The following SEL1L3 variants were observed in gnomAD, a reference collection of about 807,000 sequenced individuals.
SEL1L3 encodes the protein protein sel-1 homolog 3.
Under a neutral mutation model 142.8 loss-of-function variants are expected in SEL1L3, and 76 were observed. The ratio of observed to expected loss-of-function variants is 0.53; its 90% confidence interval spans 0.44 to 0.64. The LOEUF (loss-of-function observed/expected upper bound fraction) is 0.64, where lower values mean the gene tolerates loss of function less well. SEL1L3 is among the 30% of genes least tolerant of loss of function. SEL1L3 has a pLI of 0.00. For synonymous variants in SEL1L3, 504 were observed against 519.6 expected (o/e 0.97, Z 0.41); for missense variants, 1,262 against 1,381.7 (o/e 0.91, Z 1.37).
At chr4:25,756,241 G>C in intron 23 of SEL1L3, 5 of 985,284 alleles carry the variant, frequency 5.1e-6, no homozygotes, top group Non-Finnish European at 6.0e-6. Context: ...GTAGCCGTCC[G>C]AGATGGTAAA....
chr4:25,760,505 T>TCC (rs1718303754), intron 20 of SEL1L3, among the ~76,000 whole-genome samples: 1 of 152,180 alleles, frequency 6.6e-6, no homozygotes, highest in Non-Finnish European at 1.5e-5. Flanking sequence ...TAATTTATAC[T>TCC]CCCACCAACA....
In SEL1L3 at chr4:25,862,971, C is replaced by CCCG. The variant is rs1227690101; in HGVS notation, c.-138_-136dup. 3 of 497,426 alleles carry CCCG rather than the reference C, an allele frequency of 6.0e-6. No homozygotes were observed. Among genetic ancestry groups the CCCG allele is most frequent in the Non-Finnish European group, 5.2e-6 (2 of 387,732 alleles). 30.8% of individuals were successfully genotyped at this position (497,426 alleles called of 1,614,324 possible). A position where few individuals can be genotyped will look rare whatever the true frequency, so the allele number is the denominator to read the frequency against. ...GGGGCCACCTGCCGCCACCTCCGGA[C>CCCG]CCGCCGCCGCCGCCACTGCCGCTCC... is the stretch of plus-strand genomic sequence containing the variant. On this transcript the variant is annotated 5_prime_UTR_variant, in exon 1 of 24. Coordinates refer to ENST00000399878, the MANE Select transcript of SEL1L3 (RefSeq NM_015187.5).
chr4:25,833,210 C>A, intron 4 of SEL1L3, 100 bp from the exon 5 acceptor site: 1 of 777,920 alleles, frequency 1.3e-6, no homozygotes, highest in Non-Finnish European at 2.2e-6. Flanking sequence ...AGCTACAATA[C>A]TCCACGAAAA....
intron 17 of SEL1L3, among the ~76,000 whole-genome samples, chr4:25,771,805 C>T (rs1233007269): frequency 2.0e-5 from 3 of 152,182 alleles, no homozygotes; most frequent in Non-Finnish European, 4.4e-5. Flanking sequence ...AGAAATGAAA[C>T]ATGACAGCTG....
At chr4:25,844,720 G>A (rs1333276708) in intron 2 of SEL1L3, among the ~76,000 whole-genome samples, 1 of 152,214 alleles carries the variant, frequency 6.6e-6, no homozygotes, top group Non-Finnish European at 1.5e-5. Context: ...CAAAGTCGGA[G>A]GTACAGCAAA....
At chr4:25,852,559 C>T (rs931285297) in intron 1 of SEL1L3, among the ~76,000 whole-genome samples, 6 of 152,204 alleles carry the variant, frequency 3.9e-5, no homozygotes, top group Non-Finnish European at 7.3e-5. Flanking sequence ...TGGCGGAAGC[C>T]GAACCAGCCA....
intron 20 of SEL1L3, among the ~76,000 whole-genome samples, chr4:25,760,473 C>T (rs1384675290): frequency 2.0e-5 from 3 of 152,174 alleles, no homozygotes. Flanking sequence ...AATTGCTACA[C>T]TGCTTTCCAC....
chr4:25,738,193 A>AT, the SEL1L3 span, among the ~76,000 whole-genome samples: 3 of 151,938 alleles, frequency 2.0e-5, no homozygotes, highest in Admixed American at 6.6e-5. Flanking sequence ...CCAGCTTGCA[A>AT]TTTTTTTTAA....
intron 17 of SEL1L3, among the ~76,000 whole-genome samples, chr4:25,770,707 T>G (rs1449309645): frequency 3.2e-5 from 4 of 126,254 alleles, no homozygotes; most frequent in Non-Finnish European, 6.2e-5. Flanking sequence ...ACCACTGTAC[T>G]CCAGCCTGGG....
intron 21 of SEL1L3, 138 bp from the exon 22 acceptor site, chr4:25,757,928 A>C: frequency 1.5e-6 from 1 of 648,358 alleles, no homozygotes; most frequent in South Asian, 1.9e-5. Context: ...AAGATGAGAG[A>C]CAAAGAAATA....
intron 1 of SEL1L3, among the ~76,000 whole-genome samples, chr4:25,852,657 A>G (rs1012468783): frequency 8.5e-5 from 13 of 152,226 alleles, no homozygotes; most frequent in African/African-American, 3.1e-4. Flanking sequence ...CAAATAAGAC[A>G]TTTGCTTATT....
chr4:25,799,669 G>A (rs1014690401), intron 11 of SEL1L3, among the ~76,000 whole-genome samples: 2 of 152,148 alleles, frequency 1.3e-5, no homozygotes, highest in Admixed American at 1.3e-4. Context: ...TGACTGGTGG[G>A]ATGATGGAGG....
intron 6 of SEL1L3, among the ~76,000 whole-genome samples, chr4:25,824,083 C>T (rs1714940821): frequency 6.6e-6 from 1 of 152,180 alleles, no homozygotes; most frequent in Non-Finnish European, 1.5e-5. Context: ...GAATCTCAGT[C>T]TTGTAGGACT....
chr4:25,820,508 G>C (rs186368584), intron 7 of SEL1L3, among the ~76,000 whole-genome samples: 48 of 152,348 alleles, frequency 3.2e-4, no homozygotes, highest in Middle Eastern at 6.8e-3. Context: ...TCCCGAAAGG[G>C]AGCGCCTCAG....
At chr4:25,784,580 T>A (rs1191161556) in intron 13 of SEL1L3, among the ~76,000 whole-genome samples, 3 of 152,198 alleles carry the variant, frequency 2.0e-5, no homozygotes, top group African/African-American at 7.2e-5. Flanking sequence ...AAGATATGAA[T>A]CAGGTTAAAT....
intron 11 of SEL1L3, among the ~76,000 whole-genome samples, chr4:25,792,033 CG>C (rs573546262): frequency 1.2e-3 from 185 of 151,930 alleles, no homozygotes; most frequent in African/African-American, 4.4e-3. Flanking sequence ...CAGGGGGACT[CG>C]GGGGCTGAGA....
At position 25,835,227 on chromosome 4, in the gene SEL1L3, G is replaced by T. The variant is rs1257007149; in HGVS notation, c.830C>A (p.Ala277Asp). The T allele has an allele frequency of 2.5e-6, 4 of 1,613,842 alleles. No individual in the cohort carries two copies. The highest frequency in any genetic ancestry group is 3.3e-5 in the Admixed American group (2 of 59,998). Residue 277 changes from alanine to aspartate, a missense_variant, in exon 3 of 24, where the codon GCC (alanine) becomes GAC (aspartate). Around this residue, in one of 3 missense-constraint regions of SEL1L3, gnomAD observed 689 missense variants for 692.8 expected, o/e 0.99. Coordinates refer to ENST00000399878, the MANE Select transcript of SEL1L3 (RefSeq NM_015187.5). Reference protein sequence around the residue: ...FPRFRNRELEATRRQRMDYPV... With the variant: ...FPRFRNRELEDTRRQRMDYPV... ...GTAATCCATCCTCTGGCGTCGAGTG[G>T]CCTCCAGCTCTCGGTTCCGAAACCT...
At chr4:25,729,371 C>T in the SEL1L3 span, among the ~76,000 whole-genome samples, 5 of 152,164 alleles carry the variant, frequency 3.3e-5, no homozygotes, top group African/African-American at 7.2e-5. Flanking sequence ...CACGCATGCA[C>T]GTGACCACCC....
intron 23 of SEL1L3, 47 bp downstream of exon 23, chr4:25,757,487 C>G (rs879042142): frequency 3.5e-3 from 2,961 of 834,924 alleles, no homozygotes; most frequent in Non-Finnish European, 4.6e-3. Flanking sequence ...AAAATCCCTG[C>G]TTTTTTTTTT....
Sources: allele counts gnomAD v4.1 joint callset (sites outside exome capture counted in the v4.1 genomes callset), GRCh38; gene constraint gnomAD v4.1.1; regional missense constraint gnomAD v4.1.1; transcripts MANE v1.5; gene names NCBI Gene and HGNC (gene_info 2026-07-23, HGNC 2026-07-21).